MET: variants seen among roughly 807,000 people sequenced by gnomAD.
MET encodes hepatocyte growth factor receptor.
A neutral mutation model predicts 133.1 loss-of-function variants in MET; 48 were observed. The ratio of observed to expected loss-of-function variants is 0.36; its 90% CI spans 0.29 to 0.46. The LOEUF is 0.46. Ranked by LOEUF, MET falls within the 20% of genes least tolerant of loss-of-function variation. The pLI, the probability that MET is intolerant of heterozygous loss-of-function variation, is 1.00. For synonymous variants in MET, 628 were observed against 616.5 expected, an observed-to-expected ratio of 1.02 and a Z score of -0.28; for missense variants, 1,442 against 1,695.9, an observed-to-expected ratio of 0.85 and a Z score of 2.63.
At chr7:116,749,466 A>T (rs1793831835) in intron 5 of MET, among the ~76,000 whole-genome samples, 1 of 152,196 alleles carries the variant, frequency 6.6e-6, no homozygotes, top group Admixed American at 6.5e-5. Flanking sequence ...TCTCAAAATA[A>T]TAAGAGCTAT....
intron 2 of MET, among the ~76,000 whole-genome samples, chr7:116,729,418 G>T (rs1792909873): frequency 6.6e-6 from 1 of 152,134 alleles, no homozygotes; most frequent in Non-Finnish European, 1.5e-5. Flanking sequence ...TAAAAACTCT[G>T]GATTGCATGT....
intron 1 of MET, among the ~76,000 whole-genome samples, chr7:116,681,368 A>G (rs576211472): frequency 3.3e-5 from 5 of 152,218 alleles, no homozygotes; most frequent in South Asian, 2.1e-4. Context: ...ATATTCTAGC[A>G]TATCTAGCTC....
chr7:116,753,798 C>A (rs1478211081), intron 5 of MET, among the ~76,000 whole-genome samples: 1 of 152,114 alleles, frequency 6.6e-6, no homozygotes, highest in Non-Finnish European at 1.5e-5. Flanking sequence ...TGGTATACAT[C>A]AAATAGTGAC....
intron 1 of MET, among the ~76,000 whole-genome samples, chr7:116,682,373 T>G (rs1175606749): frequency 6.6e-6 from 1 of 152,260 alleles, no homozygotes; most frequent in African/African-American, 2.4e-5. Context: ...ATATGTGATT[T>G]ATTTCTTTAA....
chr7:116,736,423 C>T (rs1793213067), intron 3 of MET, among the ~76,000 whole-genome samples: 2 of 151,870 alleles, frequency 1.3e-5, no homozygotes, highest in Admixed American at 1.3e-4. Context: ...ACAGAAACTG[C>T]ATACAAACAT....
rs555110965 is a variant in MET, at chr7:116,718,364, G to A, written c.1201-13304G>A. Reference sequence around the variant, plus strand: ...GATCACGCCACTGCACTCCAGCCTCGGCGACAGAGCTAGACTCCATCTCAA... The same window carrying A: ...GATCACGCCACTGCACTCCAGCCTCAGCGACAGAGCTAGACTCCATCTCAA... On this transcript the variant is annotated intron_variant, in intron 2 of 20. Transcript: ENST00000397752. 1.8e-3 allele frequency among the ~76,000 whole-genome samples: 270 copies of A among 151,840 alleles called. 2 individuals are homozygous for A. Among genetic ancestry groups the A allele is most frequent in the African/African-American group, 6.2e-3 (255 of 41,380 alleles).
intron 2 of MET, among the ~76,000 whole-genome samples, chr7:116,724,478 C>T (rs1003971285): frequency 6.6e-6 from 1 of 152,184 alleles, no homozygotes; most frequent in Non-Finnish European, 1.5e-5. Context: ...CCTATTCGGC[C>T]ATCTTGGCTC....
At chr7:116,715,405 G>C (rs1473009267) in intron 2 of MET, among the ~76,000 whole-genome samples, 1 of 152,164 alleles carries the variant, frequency 6.6e-6, no homozygotes, top group Non-Finnish European at 1.5e-5. Context: ...CCATCTTTAT[G>C]TGGCAGTCCA....
intron 19 of MET, among the ~76,000 whole-genome samples, chr7:116,786,056 T>C (rs1158674673): frequency 6.6e-6 from 1 of 152,228 alleles, no homozygotes; most frequent in East Asian, 1.9e-4. Context: ...ACAACAAAAA[T>C]GTATTTCTAA....
chr7:116,778,930 T>C lies in MET; in HGVS notation c.3495T>C (p.Leu1165=), dbSNP rs758902071. 2 of 1,613,802 alleles carry C rather than the reference T, an allele frequency of 1.2e-6. No individual in the cohort carries two copies. The highest frequency in any genetic ancestry group is 1.3e-5 in the African/African-American group (1 of 74,898). The change falls in exon 17 of 21, where the codon CTT becomes CTC. Residue 1165 remains leucine, a synonymous_variant. Transcript: ENST00000397752. ...VVLPYMKHGD[L]RNFIRNETHN... ...TACCATACATGAAACATGGAGATCT[T>C]CGAAATTTCATTCGAAATGAGACTC...
intron 2 of MET, among the ~76,000 whole-genome samples, chr7:116,705,420 C>T (rs1791751158): frequency 6.6e-6 from 1 of 152,028 alleles, no homozygotes; most frequent in South Asian, 2.1e-4. Flanking sequence ...GTTTGGCATG[C>T]CTTATTCCAA....
rs2116584576 is a variant in MET, at chr7:116,699,357, A to G, written c.273A>G (p.Glu91=). ...AGTACAAGACTGGGCCTGTGCTGGA[A>G]CACCCAGATTGTTTCCCATGTCAGG... The part of the protein sequence containing the change: ...VAEYKTGPVL[E]HPDCFPCQDC... Residue 91 remains glutamate, a synonymous_variant, in exon 2 of 21, where the codon GAA becomes GAG. Transcript: ENST00000397752. 1 of 1,614,044 alleles carries G rather than the reference A, an allele frequency of 6.2e-7. No homozygotes were observed. Among genetic ancestry groups the G allele is most frequent in the Non-Finnish European group, 8.5e-7 (1 of 1,179,958 alleles).
At chr7:116,775,371 T>G (rs1794962307) in intron 15 of MET, among the ~76,000 whole-genome samples, 1 of 152,192 alleles carries the variant, frequency 6.6e-6, no homozygotes, top group Non-Finnish European at 1.5e-5. Context: ...CTGTGTGTAC[T>G]AGCAATTATA....
chr7:116,684,649 C>T (rs371036461), intron 1 of MET, among the ~76,000 whole-genome samples: 26 of 152,274 alleles, frequency 1.7e-4, no homozygotes, highest in African/African-American at 4.3e-4. Context: ...TCCACATGTG[C>T]TGAAACCCAG....
At chr7:116,755,207 T>G in intron 5 of MET, 148 bp from the exon 6 acceptor site, 1 of 916,140 alleles carries the variant, frequency 1.1e-6, no homozygotes, top group Non-Finnish European at 1.6e-6. Context: ...CCTTTTCCCT[T>G]TAGTGAAAAT....
intron 10 of MET, among the ~76,000 whole-genome samples, chr7:116,761,581 C>T (rs1794398946): frequency 1.3e-5 from 2 of 152,062 alleles, no homozygotes; most frequent in African/African-American, 4.8e-5. Context: ...GAACAATCAT[C>T]TTCATAACAA....
chr7:116,731,284 G>T (rs569003930), intron 2 of MET, among the ~76,000 whole-genome samples: 1 of 152,162 alleles, frequency 6.6e-6, no homozygotes, highest in Non-Finnish European at 1.5e-5. Context: ...GTCAGAACAT[G>T]CCTCTAACAT....
rs559443524 is a variant in MET, at chr7:116,705,107, G to A, written c.1200+4823G>A. Among the ~76,000 whole-genome samples the A allele has an allele frequency of 1.8e-3, 278 of 152,042 alleles. 2 individuals carry two copies. The highest frequency in any genetic ancestry group is 3.2e-3 in the Non-Finnish European group (219 of 67,918). The stretch of plus-strand genomic sequence containing the variant: ...AAAAATCAAAACAAGATGCAAACAA[G>A]GAATAATAGGAATAGGCAGAAAAAT... On this transcript the variant is annotated intron_variant, in intron 2 of 20. Transcript: ENST00000397752.
At chr7:116,695,706 T>C (rs1007288564) in intron 1 of MET, 57 of 446,546 alleles carry the variant, frequency 1.3e-4, no homozygotes, top group African/African-American at 1.0e-3. Context: ...TTAGCAAGTT[T>C]GCTTATCTAG....
Sources: gnomAD v4.1 joint callset for allele counts (sites outside exome capture counted in the v4.1 genomes callset) on GRCh38, gnomAD v4.1.1 for gene constraint, MANE v1.5 for transcripts, NCBI Gene and HGNC (gene_info 2026-07-23, HGNC 2026-07-21) for gene names.